Variants in PRKCH observed in about 807,000 individuals in gnomAD.
PRKCH encodes the protein protein kinase C eta.
In PRKCH, 28 loss-of-function variants were observed where a neutral mutation model predicts 82.5. That is an observed-to-expected ratio of 0.34 (90% CI 0.25 to 0.47). The LOEUF (loss-of-function observed/expected upper bound fraction) is 0.47. Among genes scored for constraint, PRKCH ranks in the 20% least tolerant of loss-of-function variants. The probability of loss-of-function intolerance (pLI) is 1.00; values close to 1 mark genes in which losing one functional copy is unlikely to be tolerated. For missense variants in PRKCH, 705 were observed against 881.8 expected (o/e 0.80, Z 2.54); for synonymous variants, 322 against 327.4 (o/e 0.98, Z 0.18).
chr14:61,473,481 A>C (rs995022927), intron 9 of PRKCH, among the ~76,000 whole-genome samples: 1 of 152,104 alleles, frequency 6.6e-6, no homozygotes, highest in Non-Finnish European at 1.5e-5. Context: ...CAATCATGGG[A>C]GTGGAGTCAA....
rs188793722 is a variant in PRKCH, at chr14:61,239,106, G to A, written c.-19+51438G>A. Among the ~76,000 whole-genome samples the A allele has an allele frequency of 2.2e-3, 336 of 152,226 alleles. 1 individual carries two copies. Among genetic ancestry groups the A allele is most frequent in the Non-Finnish European group, 3.6e-3 (244 of 68,022 alleles). On this transcript the variant is annotated intron_variant, in intron 1 of 3. Coordinates refer to the PRKCH transcript ENST00000555185. ...GGCTTTTATCAAGTTCACCAGGCTC[G>A]CTGTTCCCTCAGGAATCACCTCCTG...
At chr14:61,456,735 A>T (rs1461329792) in intron 7 of PRKCH, 1 of 154,098 alleles carries the variant, frequency 6.5e-6, no homozygotes, top group African/African-American at 2.4e-5. Flanking sequence ...AATATTGATT[A>T]AAAAACGTTG....
At chr14:61,335,422 A>G (rs1202565381) in intron 1 of PRKCH, among the ~76,000 whole-genome samples, 2 of 152,186 alleles carry the variant, frequency 1.3e-5, no homozygotes, top group Non-Finnish European at 2.9e-5. Flanking sequence ...ATTTAGATGG[A>G]CAGGATAATT....
chr14:61,499,433 G>A (rs547278693), intron 10 of PRKCH, among the ~76,000 whole-genome samples: 2 of 152,214 alleles, frequency 1.3e-5, no homozygotes, highest in African/African-American at 2.4e-5. Flanking sequence ...AGTGTCCTGG[G>A]GGTGTCTGGT....
chr14:61,221,222 C>T (rs992009043), intron 1 of PRKCH, among the ~76,000 whole-genome samples: 16 of 152,130 alleles, frequency 1.1e-4, no homozygotes, highest in African/African-American at 3.6e-4. Flanking sequence ...ATGAGAAGAA[C>T]CCAGCTGCCA....
intron 1 of PRKCH, among the ~76,000 whole-genome samples, chr14:61,253,991 C>T (rs2044972965): frequency 7.4e-6 from 1 of 135,414 alleles, no homozygotes; most frequent in African/African-American, 2.7e-5. Flanking sequence ...CCCTCCCTCC[C>T]TCCCTCCCTC....
In PRKCH at chr14:61,426,837, A is replaced by G. The variant is rs369734146; in HGVS notation, c.428-16274A>G. Among the ~76,000 whole-genome samples the G allele has an allele frequency of 2.0e-5, 3 of 152,326 alleles. No homozygotes were observed. The East Asian group carries it at 5.8e-4, about 29-fold the overall frequency. Reference sequence around the variant, plus strand: ...TCGTCTGAGAAAATTCAACTTTTTCATCTCTCATAATTTACTGCTTCAGGA... The same window carrying G: ...TCGTCTGAGAAAATTCAACTTTTTCGTCTCTCATAATTTACTGCTTCAGGA... On this transcript the variant is annotated intron_variant, in intron 2 of 13. Transcript: ENST00000332981.
At chr14:61,379,727 AAAG>A in intron 1 of PRKCH, among the ~76,000 whole-genome samples, 1 of 152,176 alleles carries the variant, frequency 6.6e-6, no homozygotes, top group Non-Finnish European at 1.5e-5. Context: ...GGTGTGAAAG[AAAG>A]AAGGGGGCTG....
chr14:61,421,099 A>G (rs537622416), intron 2 of PRKCH, among the ~76,000 whole-genome samples: 1 of 151,680 alleles, frequency 6.6e-6, no homozygotes, highest in African/African-American at 2.4e-5. Flanking sequence ...GCCATTATCT[A>G]GTAGTGCCTT....
intron 2 of PRKCH, among the ~76,000 whole-genome samples, chr14:61,428,042 T>TATAGATAGATAGATAGATAGATAG (rs1166349303): frequency 8.2e-6 from 1 of 121,892 alleles, no homozygotes; most frequent in African/African-American, 3.2e-5. Context: ...AATATATATA[T>TATAGATAGATAGATAGATAGATAG]ATAGATAGAT....
At chr14:61,418,397 G>A (rs946941915) in intron 2 of PRKCH, among the ~76,000 whole-genome samples, 2 of 152,212 alleles carry the variant, frequency 1.3e-5, no homozygotes, top group African/African-American at 4.8e-5. Flanking sequence ...AGCACGATGT[G>A]TAATGATTAA....
intron 1 of PRKCH, among the ~76,000 whole-genome samples, chr14:61,217,252 G>T (rs917245437): frequency 3.3e-5 from 5 of 152,154 alleles, no homozygotes; most frequent in African/African-American, 1.2e-4. Flanking sequence ...AATTAGCTTG[G>T]TTTGGTGGCC....
At chr14:61,213,214 T>C (rs1389965966) in intron 1 of PRKCH, among the ~76,000 whole-genome samples, 3 of 152,204 alleles carry the variant, frequency 2.0e-5, no homozygotes, top group South Asian at 2.1e-4. Context: ...ACTCCCGCCT[T>C]ACCCTCTCTT....
chr14:61,542,233 T>G (rs906814043), intron 12 of PRKCH, among the ~76,000 whole-genome samples: 1 of 151,810 alleles, frequency 6.6e-6, no homozygotes, highest in Non-Finnish European at 1.5e-5. Flanking sequence ...GAGGTTGCAG[T>G]GAGCCAAAAT....
intron 1 of PRKCH, among the ~76,000 whole-genome samples, chr14:61,188,385 G>T (rs1161116113): frequency 6.6e-6 from 1 of 152,180 alleles, no homozygotes; most frequent in African/African-American, 2.4e-5. Flanking sequence ...ACCGAGGAAG[G>T]CTGGCCCGCG....
intron 1 of PRKCH, among the ~76,000 whole-genome samples, chr14:61,233,368 G>A (rs1032559736): frequency 1.3e-5 from 2 of 150,172 alleles, no homozygotes; most frequent in African/African-American, 2.4e-5. Flanking sequence ...TCTGCTCTGG[G>A]TGATAGAGAG....
At chr14:61,419,453 T>G (rs1308820070) in intron 2 of PRKCH, among the ~76,000 whole-genome samples, 3 of 150,790 alleles carry the variant, frequency 2.0e-5, no homozygotes, top group Admixed American at 6.6e-5. Context: ...CATTCCTGGC[T>G]TCTACCCTCC....
intron 1 of PRKCH, among the ~76,000 whole-genome samples, chr14:61,192,363 T>C (rs35975592): frequency 0.32 from 48,167 of 151,954 alleles, 7,927 homozygotes; most frequent in Admixed American, 0.4. Context: ...TCTTCATCTG[T>C]TAAATACAGA....
At chr14:61,241,109 A>G (rs2044833110) in intron 1 of PRKCH, among the ~76,000 whole-genome samples, 1 of 152,210 alleles carries the variant, frequency 6.6e-6, no homozygotes, top group African/African-American at 2.4e-5. Context: ...CCTTGAATTC[A>G]ATTAATTTGC....
Sources: allele counts gnomAD v4.1 joint callset (sites outside exome capture counted in the v4.1 genomes callset), GRCh38; gene constraint gnomAD v4.1.1; transcripts MANE v1.5; gene names NCBI Gene and HGNC (gene_info 2026-07-23, HGNC 2026-07-21).